Variants in INTU observed in about 807,000 individuals in gnomAD.
INTU encodes inturned planar cell polarity protein, also known as protein inturned.
In INTU, 68 loss-of-function variants were observed where a neutral mutation model predicts 100.5. The observed-to-expected ratio is 0.68, with a 90% confidence interval of 0.56 to 0.83. The LOEUF (loss-of-function observed/expected upper bound fraction) is 0.83, where lower values mean the gene tolerates loss of function less well. Ranked by LOEUF, INTU falls within the 40% of genes least tolerant of loss-of-function variation. INTU has a pLI of 0.00. For synonymous variants in INTU, 357 were observed against 395.7 expected (o/e 0.90, Z 1.16); for missense variants, 1,071 against 1,114.7 (o/e 0.96, Z 0.56).
intron 7 of INTU, chr4:127,686,060 C>A (rs1729810238): frequency 1.3e-5 from 2 of 151,982 alleles, no homozygotes; most frequent in Admixed American, 1.3e-4. Flanking sequence ...TTTATAACAA[C>A]TTTTTTTCTG....
In INTU at chr4:127,660,702, G is replaced by A. The variant is rs80225450; in HGVS notation, c.769-2679G>A. ...GGAAGTGATGAGTCATAGAGAGTGC[G>A]TCCTTGGGTCTGAGGAAAGGCTGGG... On this transcript the variant is annotated intron_variant, in intron 3 of 15. Transcript: ENST00000335251. Among the ~76,000 whole-genome samples, 1,031 of 152,256 alleles carry A rather than the reference G, an allele frequency of 6.8e-3. 11 individuals carry two copies. Among genetic ancestry groups the A allele is most frequent in the Middle Eastern group, 0.024 (7 of 294 alleles).
Position 127,633,150 on chromosome 4 carries a change from G to A in INTU, c.116G>A (p.Gly39Asp), listed in dbSNP as rs1726911805. Reference sequence around the variant, plus strand: ...TTTGAAGATCGGGTCAGCGACTCGGGTTCATATTCCTCAGCGAGTAGCGAT... The same window carrying A: ...TTTGAAGATCGGGTCAGCGACTCGGATTCATATTCCTCAGCGAGTAGCGAT... ...YDFEDRVSDS[G>D]SYSSASSDYD... The change falls in exon 1 of 16, where the codon GGT becomes GAT. Residue 39 changes from glycine to aspartate, a missense_variant. By Grantham distance (94) the Gly-to-Asp change is moderately conservative (BLOSUM62 -1). Coordinates refer to ENST00000335251, the MANE Select transcript of INTU (RefSeq NM_015693.4). The A allele has an allele frequency of 6.2e-7, 1 of 1,613,868 alleles. No homozygotes were observed. Among genetic ancestry groups the A allele is most frequent in the Admixed American group, 1.7e-5 (1 of 60,000 alleles).
chr4:127,695,538 C>T (rs540079685), intron 8 of INTU, among the ~76,000 whole-genome samples: 41 of 152,172 alleles, frequency 2.7e-4, no homozygotes, highest in Admixed American at 2.2e-3. Context: ...ATCTGGGAGG[C>T]GGAGGCTCCT....
Position 127,707,076 on chromosome 4 carries a change from C to T in INTU, c.2271+107C>T. 7.1e-6 allele frequency: 9 copies of T among 1,274,566 alleles called. No homozygotes were observed. In the South Asian group the frequency reaches 1.2e-4, roughly 17 times the overall value. 79.0% of individuals were successfully genotyped at this position (1,274,566 alleles called of 1,614,324 possible). ...TAGTGGCATACCATTCTTCATTTGA[C>T]ATGGTGGTTATTTCAGTCACTGCTG... On this transcript the variant is annotated intron_variant, in intron 12 of 15. Coordinates refer to ENST00000335251, the MANE Select transcript of INTU (RefSeq NM_015693.4).
At chr4:127,648,457 T>C (rs1180337481) in intron 2 of INTU, among the ~76,000 whole-genome samples, 2 of 152,200 alleles carry the variant, frequency 1.3e-5, no homozygotes, top group Admixed American at 1.3e-4. Flanking sequence ...TGATGAACCA[T>C]CTCCTCTTTT....
chr4:127,700,272 A>G (rs1332362649), intron 9 of INTU, among the ~76,000 whole-genome samples: 1 of 152,210 alleles, frequency 6.6e-6, no homozygotes, highest in African/African-American at 2.4e-5. Context: ...ATGGGATTAA[A>G]AATGATTAAT....
intron 1 of INTU, among the ~76,000 whole-genome samples, chr4:127,640,162 A>G (rs1239893479): frequency 6.6e-6 from 1 of 152,166 alleles, no homozygotes; most frequent in African/African-American, 2.4e-5. Context: ...GAACTTAACC[A>G]TGTCAGGAAC....
At chr4:127,645,520 AATT>A (rs1193194053) in intron 2 of INTU, among the ~76,000 whole-genome samples, 1 of 150,660 alleles carries the variant, frequency 6.6e-6, no homozygotes, top group Admixed American at 6.6e-5. Flanking sequence ...AGAGATGATA[AATT>A]ATTGTTGTTG....
chr4:127,707,721 TAA>T (rs1730947443), intron 12 of INTU, among the ~76,000 whole-genome samples: 1 of 152,294 alleles, frequency 6.6e-6, no homozygotes, highest in Admixed American at 6.5e-5. Context: ...TTGTAACACT[TAA>T]AGATTTAAAA....
rs566786716 is a variant in INTU, at chr4:127,696,983, C to T, written c.1450-3027C>T. Among the ~76,000 whole-genome samples the T allele has an allele frequency of 8.2e-4, 125 of 152,186 alleles. 1 individual carries two copies. The highest frequency in any genetic ancestry group is 2.9e-3 in the African/African-American group (119 of 41,526). On this transcript the variant is annotated intron_variant, in intron 8 of 15. Transcript: ENST00000335251. Reference sequence around the variant, plus strand: ...CTCACTGTTTTAGACCAATAAAGCCCTATCCGTTTAAATTGCCAATTACTT... The same window carrying T: ...CTCACTGTTTTAGACCAATAAAGCCTTATCCGTTTAAATTGCCAATTACTT...
At chr4:127,705,303 C>T (rs1469938366) in intron 10 of INTU, among the ~76,000 whole-genome samples, 2 of 152,126 alleles carry the variant, frequency 1.3e-5, no homozygotes, top group South Asian at 2.1e-4. Context: ...ACTTTCCATT[C>T]TCAGAATTCA....
intron 1 of INTU, among the ~76,000 whole-genome samples, chr4:127,640,830 C>T (rs1246595566): frequency 6.6e-6 from 1 of 151,172 alleles, no homozygotes; most frequent in African/African-American, 2.4e-5. Context: ...ACAGAATAAC[C>T]CTATATGTGT....
At chr4:127,711,576 G>A (rs1194220763) in intron 14 of INTU, among the ~76,000 whole-genome samples, 2 of 152,184 alleles carry the variant, frequency 1.3e-5, no homozygotes, top group African/African-American at 4.8e-5. Context: ...GAACCAGGCT[G>A]CACAGCAGGA....
intron 1 of INTU, among the ~76,000 whole-genome samples, chr4:127,636,114 A>T (rs1727057673): frequency 6.6e-6 from 1 of 152,024 alleles, no homozygotes; most frequent in African/African-American, 2.4e-5. Flanking sequence ...AATAAAAAAT[A>T]AAAAAATTAG....
chr4:127,697,141 C>T (rs1247154128), intron 8 of INTU, among the ~76,000 whole-genome samples: 1 of 152,160 alleles, frequency 6.6e-6, no homozygotes, highest in Non-Finnish European at 1.5e-5. Flanking sequence ...TGAGATATTT[C>T]ACATATCATA....
chr4:127,707,489 C>CT lies in INTU; in HGVS notation c.2271+523dup, dbSNP rs1242867302. Among the ~76,000 whole-genome samples the CT allele has an allele frequency of 2.0e-5, 3 of 147,734 alleles. No homozygotes were observed. The East Asian group carries it at 6.2e-4, about 31-fold the overall frequency. ...TTAACAGTACTTAGAAATAGGAAAA[C>CT]TTTAATCTCAATTTCCGTGTTCATC... On this transcript the variant is annotated intron_variant, in intron 12 of 15. Transcript: ENST00000335251.
At chr4:127,687,106 A>C (rs1459625424) in intron 7 of INTU, 1 of 152,216 alleles carries the variant, frequency 6.6e-6, no homozygotes, top group East Asian at 1.9e-4. Context: ...TTACCAGTAA[A>C]TAATAAGCAT....
chr4:127,703,150 A>G (rs757370428), intron 9 of INTU, among the ~76,000 whole-genome samples: 22 of 152,170 alleles, frequency 1.4e-4, no homozygotes, highest in Non-Finnish European at 2.4e-4. Context: ...CATTCCTGCT[A>G]TTGTACAGGC....
chr4:127,648,412 C>T (rs1727686716), intron 2 of INTU, among the ~76,000 whole-genome samples: 1 of 152,120 alleles, frequency 6.6e-6, no homozygotes, highest in Non-Finnish European at 1.5e-5. Context: ...GGGTATACTA[C>T]ACTTGCTTTC....
Sources: gnomAD v4.1 joint callset for allele counts (sites outside exome capture counted in the v4.1 genomes callset) on GRCh38, gnomAD v4.1.1 for gene constraint, MANE v1.5 for transcripts, NCBI Gene and HGNC (gene_info 2026-07-23, HGNC 2026-07-21) for gene names.